The following ARHGAP40 variants were observed in gnomAD, a reference collection of about 807,000 sequenced individuals.
ARHGAP40 encodes the protein Rho GTPase activating protein 40.
ARHGAP40 carries 43 observed loss-of-function variants against 73.5 expected under a neutral mutation model. That is an observed-to-expected ratio of 0.58 (90% confidence interval 0.46 to 0.75). ARHGAP40 has a LOEUF of 0.75. Ranked by LOEUF, ARHGAP40 falls within the 30% of genes least tolerant of loss-of-function variation. ARHGAP40 has a pLI of 0.00. For missense variants in ARHGAP40, 734 were observed against 861.8 expected, an observed-to-expected ratio of 0.85 and a Z score of 1.86; for synonymous variants, 300 against 352.8, an observed-to-expected ratio of 0.85 and a Z score of 1.68.
intron 1 of ARHGAP40, among the ~76,000 whole-genome samples, chr20:38,622,408 C>G (rs571971169): frequency 2.0e-5 from 3 of 152,218 alleles, no homozygotes; most frequent in Admixed American, 6.5e-5. Context: ...TATGACCAAC[C>G]CTACCATTTC....
chr20:38,615,457 T>C, intron 1 of ARHGAP40: 1 of 698,754 alleles, frequency 1.4e-6, no homozygotes, highest in Non-Finnish European at 2.7e-6. Flanking sequence ...AGCCAGGAAC[T>C]CGACCTCGGC....
Position 38,649,335 on chromosome 20 carries a change from C to T in ARHGAP40, c.1937-422C>T, listed in dbSNP as rs1029415930. Among the ~76,000 whole-genome samples the T allele has an allele frequency of 2.6e-5, 4 of 152,294 alleles. No homozygotes were observed. In the East Asian group the frequency reaches 5.8e-4, roughly 22 times the overall value. ...GCTAAGACATGTCTTCAGTAGTACA[C>T]GATGCATTGAGGGGGTGCCCCTCAG... On this transcript the variant is annotated intron_variant, in intron 14 of 14. Coordinates refer to ENST00000373345, the Ensembl canonical transcript of ARHGAP40.
chr20:38,643,920 G>T lies in ARHGAP40; in HGVS notation c.1569+10G>T. The stretch of plus-strand genomic sequence containing the variant: ...GGATCTGCTGTGGACGGTGAGTGCT[G>T]CTGGGCGCTGGGTATCCCTCTGGGT... On this transcript the variant is annotated intron_variant, in intron 11 of 14. Transcript: ENST00000373345. 6 of 1,286,520 alleles carry T rather than the reference G, an allele frequency of 4.7e-6. No homozygotes were observed. Among genetic ancestry groups the T allele is most frequent in the Non-Finnish European group, 6.1e-6 (6 of 978,020 alleles). The allele number at this position is 1,286,520 out of a possible 1,614,324, so 79.7% of individuals were successfully genotyped here. A position where few individuals can be genotyped will look rare whatever the true frequency, so the allele number is the denominator to read the frequency against.
chr20:38,607,016 G>C (rs2088773987), intron 1 of ARHGAP40, among the ~76,000 whole-genome samples: 1 of 152,166 alleles, frequency 6.6e-6, no homozygotes, highest in South Asian at 2.1e-4. Flanking sequence ...AGCGGTACCT[G>C]CTTCATAGAC....
chr20:38,647,224 C>T (rs564471243), intron 13 of ARHGAP40, 98 bp downstream of exon 13: 95 of 1,093,782 alleles, frequency 8.7e-5, no homozygotes, highest in Admixed American at 1.1e-4. Context: ...TACTGTTGGC[C>T]TGACCTGGCC....
rs955972396 is a variant in ARHGAP40, at chr20:38,643,904, G to A, written c.1563G>A (p.Leu521=). 3 of 1,299,364 alleles carry A rather than the reference G, an allele frequency of 2.3e-6. No homozygotes were observed. The African/African-American group carries it at 4.6e-5, about 20-fold the overall frequency. 80.5% of individuals were successfully genotyped at this position (1,299,364 alleles called of 1,614,324 possible). Residue 521 remains leucine, a synonymous_variant, in exon 11 of 15, where the codon CTG becomes CTA. Coordinates refer to ENST00000373345, the Ensembl canonical transcript of ARHGAP40. ...TAATGGTGCACTACCAGGATCTGCT[G>A]TGGACGGTGAGTGCTGCTGGGCGCT... is the stretch of plus-strand genomic sequence containing the variant.
intron 14 of ARHGAP40, among the ~76,000 whole-genome samples, chr20:38,648,953 G>T (rs2089071280): frequency 6.6e-6 from 1 of 152,220 alleles, no homozygotes; most frequent in African/African-American, 2.4e-5. Flanking sequence ...AGATGCAGAA[G>T]ATTTGTTTAG....
chr20:38,612,707 A>G (rs769292744), intron 1 of ARHGAP40, among the ~76,000 whole-genome samples: 10 of 152,088 alleles, frequency 6.6e-5, no homozygotes, highest in East Asian at 1.9e-4. Context: ...ATAAGAAAAG[A>G]AAAGGAAAGG....
At chr20:38,603,089 C>A (rs1265201181) in intron 1 of ARHGAP40, among the ~76,000 whole-genome samples, 1 of 152,224 alleles carries the variant, frequency 6.6e-6, no homozygotes, top group East Asian at 1.9e-4. Flanking sequence ...TTGGAACACA[C>A]CTGCAGCAGG....
chr20:38,629,363 T>C, intron 4 of ARHGAP40, 139 bp from the exon 5 acceptor site: 1 of 880,840 alleles, frequency 1.1e-6, no homozygotes, highest in South Asian at 1.7e-5. Flanking sequence ...CTAAACCTAA[T>C]GATTTGATCC....
At chr20:38,611,283 A>G (rs925834839) in intron 1 of ARHGAP40, among the ~76,000 whole-genome samples, 1 of 152,022 alleles carries the variant, frequency 6.6e-6, no homozygotes, top group African/African-American at 2.4e-5. Context: ...TTCCCAACCC[A>G]TCATGGCTAC....
chr20:38,626,665 G>A lies in ARHGAP40; in HGVS notation c.338-330G>A, dbSNP rs77094942. 7.5e-3 allele frequency among the ~76,000 whole-genome samples: 1,150 copies of A among 152,328 alleles called. 12 individuals carry two copies. Among genetic ancestry groups the A allele is most frequent in the African/African-American group, 0.026 (1,060 of 41,558 alleles). ...GTGGTCTCTGCCAGATTTTGGATAA[G>A]TGGGTTCATTACTTTGGAGAGAAGT... On this transcript the variant is annotated intron_variant, in intron 2 of 14. Transcript: ENST00000373345.
intron 7 of ARHGAP40, 58 bp from the exon 8 acceptor site, chr20:38,638,703 T>G (rs2088993492): frequency 8.1e-7 from 1 of 1,238,794 alleles, no homozygotes; most frequent in African/African-American, 1.6e-5. Context: ...AAACACACCA[T>G]TTTGAATCCT....
chr20:38,638,650 C>G, intron 7 of ARHGAP40, 111 bp from the exon 8 acceptor site: 1 of 728,064 alleles, frequency 1.4e-6, no homozygotes, highest in South Asian at 1.6e-5. Flanking sequence ...CCGAAGGAAA[C>G]CCTTCTCCTG....
intron 5 of ARHGAP40, among the ~76,000 whole-genome samples, chr20:38,631,304 TAAAAAAAAAAAAA>T (rs35575772): frequency 1.1e-5 from 1 of 87,570 alleles, no homozygotes; most frequent in Non-Finnish European, 2.2e-5. Context: ...GAGCAAGACC[TAAAAAAAAAAAAA>T]AAAAAAAAGA....
chr20:38,626,139 G>C (rs2145603179), intron 2 of ARHGAP40, among the ~76,000 whole-genome samples: 1 of 152,294 alleles, frequency 6.6e-6, no homozygotes, highest in East Asian at 1.9e-4. Flanking sequence ...AAGTGTTGGG[G>C]GAAGACTTGG....
Position 38,646,045 on chromosome 20 carries a change from A to T in ARHGAP40, c.1570-2A>T. ...TGCCAAAACTTGATCCTTTCTGGCC[A>T]GGTCGCCTCTTTCCTGGTCGCCCAG... is the stretch of plus-strand genomic sequence containing the variant. On this transcript the variant is annotated splice_acceptor_variant, in intron 11 of 14. Transcript: ENST00000373345. LOFTEE classifies it high-confidence loss of function. This position sits in a 1 kb window ranked among gnomAD's most constrained non-coding sequence, Gnocchi z 4.5. The T allele has an allele frequency of 7.7e-7, 1 of 1,302,722 alleles. No homozygotes were observed. The highest frequency in any genetic ancestry group is 1.0e-6 in the Non-Finnish European group (1 of 987,946). The allele number at this position is 1,302,722 out of a possible 1,614,324, so 80.7% of individuals were successfully genotyped here.
At chr20:38,630,064 CTTTCTTTCTTTCTTTCTT>C (rs749693410) in intron 5 of ARHGAP40, among the ~76,000 whole-genome samples, 31,170 of 133,946 alleles carry the variant, frequency 0.23, 3,838 homozygotes, top group Non-Finnish European at 0.31. Flanking sequence ...CTTCTTTTTT[CTTTCTTTCTTTCTTTCTT>C]TTTCTTTCTT....
In ARHGAP40 at chr20:38,629,492, C is replaced by T. The variant is rs182245844; in HGVS notation, c.635-10C>T. On this transcript the variant is annotated splice_polypyrimidine_tract_variant and intron_variant, in intron 4 of 14. Coordinates refer to ENST00000373345, the Ensembl canonical transcript of ARHGAP40. ...CTGCCTTTCTCTGCTTTGTTTCCCC[C>T]GCCCCGCAGCAGCAGAGCCTGGGGG... The T allele has an allele frequency of 1.1e-5, 15 of 1,305,114 alleles. No individual in the cohort carries two copies. In the East Asian group the frequency reaches 2.2e-4, roughly 19 times the overall value. 80.8% of individuals were successfully genotyped at this position (1,305,114 alleles called of 1,614,324 possible).
Sources: gnomAD v4.1 joint callset for allele counts (sites outside exome capture counted in the v4.1 genomes callset) on GRCh38, gnomAD v4.1.1 for gene constraint, Gnocchi (gnomAD v3.1) non-coding constraint, MANE v1.5 for transcripts, NCBI Gene and HGNC (gene_info 2026-07-23, HGNC 2026-07-21) for gene names.